UBE2V2: variants seen among roughly 807,000 people sequenced by gnomAD.
UBE2V2 encodes the protein ubiquitin conjugating enzyme E2 V2.
Under a neutral mutation model 17.2 loss-of-function variants are expected in UBE2V2, and 9 were observed. That is an observed-to-expected ratio of 0.52 (90% CI 0.32 to 0.91). The LOEUF is 0.91. Ranked by LOEUF, UBE2V2 falls within the 40% of genes least tolerant of loss-of-function variation. The pLI, the probability that UBE2V2 is intolerant of heterozygous loss-of-function variation, is 0.04. For synonymous variants in UBE2V2, 61 were observed against 57.5 expected (o/e 1.06, Z -0.28); for missense variants, 133 against 182.6 (o/e 0.73, Z 1.56).
rs771072960 is a variant in UBE2V2, at chr8:48,008,438, T to A, written c.-17T>A. The A allele has an allele frequency of 4.5e-6, 7 of 1,565,020 alleles. No individual in the cohort carries two copies. The highest frequency in any genetic ancestry group is 1.4e-5 in the African/African-American group (1 of 70,538). ...TCGTGCGTGCGTGCGGGCGGCTGCGTCGGGCTGCAGGAGAAGATGGCGGTC... is the reference window on the plus strand; with the variant it reads ...TCGTGCGTGCGTGCGGGCGGCTGCGACGGGCTGCAGGAGAAGATGGCGGTC... On this transcript the variant is annotated 5_prime_UTR_variant, in exon 1 of 4. Transcript: ENST00000523111.
chr8:48,004,463 G>C (rs542982086), upstream of UBE2V2, among the ~76,000 whole-genome samples: 2 of 151,516 alleles, frequency 1.3e-5, no homozygotes, highest in Non-Finnish European at 2.9e-5. Flanking sequence ...ACAGTGGCTT[G>C]AGAGTAGATA....
rs1277365907 is a variant in UBE2V2, at chr8:48,049,891, A to T, written c.204A>T (p.Glu68Asp). The change falls in exon 3 of 4, where the codon GAA becomes GAT. Residue 68 changes from glutamate (E) to aspartate (D), a missense_variant. By Grantham distance (45) the Glu-to-Asp change is conservative (BLOSUM62 2). This residue lies in a region of UBE2V2 where 92 missense variants were observed against 124.3 expected (regional missense o/e 0.74). Coordinates refer to ENST00000523111, the MANE Select transcript of UBE2V2 (RefSeq NM_003350.3). ...ACAGAATATATAGCCTGAAAGTAGA[A>T]TGTGGACCTAAATACCCAGAAGCTC... Reference protein sequence around the residue: ...YENRIYSLKVECGPKYPEAPP... With the variant: ...YENRIYSLKVDCGPKYPEAPP... The T allele has an allele frequency of 6.3e-7, 1 of 1,593,418 alleles. No homozygotes were observed. The highest frequency in any genetic ancestry group is 8.5e-7 in the Non-Finnish European group (1 of 1,173,824).
chr8:48,044,979 G>A (rs1177775898), intron 2 of UBE2V2, among the ~76,000 whole-genome samples: 2 of 152,068 alleles, frequency 1.3e-5, no homozygotes, highest in East Asian at 1.9e-4. Flanking sequence ...TCTTTCACCC[G>A]GTTGGGGTCC....
At chr8:48,023,023 A>G (rs763557614) in intron 1 of UBE2V2, among the ~76,000 whole-genome samples, 1 of 151,868 alleles carries the variant, frequency 6.6e-6, no homozygotes, top group Non-Finnish European at 1.5e-5. Flanking sequence ...GAAGTCTCTT[A>G]TATGTTATTT....
intron 1 of UBE2V2, among the ~76,000 whole-genome samples, chr8:48,032,586 C>T (rs1209277539): frequency 1.3e-5 from 2 of 152,060 alleles, no homozygotes; most frequent in East Asian, 3.9e-4. Context: ...GACCTTGTCT[C>T]TACTAAAAAT....
intron 1 of UBE2V2, among the ~76,000 whole-genome samples, chr8:48,034,542 A>G (rs2091407599): frequency 1.3e-5 from 2 of 151,974 alleles, no homozygotes; most frequent in African/African-American, 4.8e-5. Context: ...TGATCAAAAT[A>G]TATGTGCTGC....
intron 1 of UBE2V2, among the ~76,000 whole-genome samples, chr8:48,012,642 C>T (rs559202391): frequency 1.3e-5 from 2 of 151,418 alleles, no homozygotes; most frequent in Admixed American, 6.6e-5. Flanking sequence ...CTCTTGAACC[C>T]GGGAGGCAGA....
chr8:48,047,081 A>G (rs1476473999), intron 2 of UBE2V2, among the ~76,000 whole-genome samples: 2 of 151,656 alleles, frequency 1.3e-5, no homozygotes, highest in Non-Finnish European at 2.9e-5. Context: ...AGCTGGGATT[A>G]CAGGCATGCG....
chr8:48,035,252 A>G (rs960629209), intron 1 of UBE2V2, among the ~76,000 whole-genome samples: 1 of 150,568 alleles, frequency 6.6e-6, no homozygotes, highest in African/African-American at 2.4e-5. Flanking sequence ...AGTAGCTGGG[A>G]CTACAGGTGT....
At chr8:48,037,146 TC>T (rs2091430330) in intron 1 of UBE2V2, among the ~76,000 whole-genome samples, 2 of 152,256 alleles carry the variant, frequency 1.3e-5, no homozygotes, top group South Asian at 4.1e-4. Flanking sequence ...GCCATTGCAC[TC>T]TGTCCTGGGC....
chr8:48,047,720 G>A (rs920174158), intron 2 of UBE2V2, among the ~76,000 whole-genome samples: 12 of 151,954 alleles, frequency 7.9e-5, no homozygotes, highest in Non-Finnish European at 1.8e-4. Flanking sequence ...ACCAATTTTT[G>A]TATTTTTAAT....
intron 1 of UBE2V2, among the ~76,000 whole-genome samples, chr8:48,038,056 T>C (rs2091436385): frequency 6.6e-6 from 1 of 152,206 alleles, no homozygotes; most frequent in Admixed American, 6.6e-5. Flanking sequence ...CTCTCTCTTT[T>C]GTAATGTCCT....
At position 48,061,902 on chromosome 8, in the gene UBE2V2, T is replaced by C. The variant is rs1234587312; in HGVS notation, c.*1074T>C. The stretch of plus-strand genomic sequence containing the variant: ...CCATTTTTTAAAGCATAATATCTTT[T>C]TTAGTTGTTTTTCTGTGAAGCTTTT... On this transcript the variant is annotated 3_prime_UTR_variant, in exon 4 of 4. Transcript: ENST00000523111. 1 of 152,208 alleles carries C rather than the reference T, an allele frequency of 6.6e-6. No individual in the cohort carries two copies. Among genetic ancestry groups the C allele is most frequent in the Non-Finnish European group, 1.5e-5 (1 of 68,026 alleles). The allele number at this position is 152,208 out of a possible 1,614,324, so 9.4% of individuals were successfully genotyped here. A position where few individuals can be genotyped will look rare whatever the true frequency, so the allele number is the denominator to read the frequency against.
At chr8:48,008,553 C>T in intron 1 of UBE2V2, 83 bp downstream of exon 1, 2 of 1,493,288 alleles carry the variant, frequency 1.3e-6, no homozygotes, top group Admixed American at 2.4e-5. Flanking sequence ...CGAGCGCTGA[C>T]CGTGCGGGAG....
Position 48,008,434 on chromosome 8 carries a change from T to A in UBE2V2, c.-21T>A. 6.4e-7 allele frequency: 1 copy of A among 1,563,910 alleles called. No individual in the cohort carries two copies. Among genetic ancestry groups the A allele is most frequent in the Non-Finnish European group, 8.6e-7 (1 of 1,157,594 alleles). Reference sequence around the variant, plus strand: ...CGGTTCGTGCGTGCGTGCGGGCGGCTGCGTCGGGCTGCAGGAGAAGATGGC... The same window carrying A: ...CGGTTCGTGCGTGCGTGCGGGCGGCAGCGTCGGGCTGCAGGAGAAGATGGC... On this transcript the variant is annotated 5_prime_UTR_variant, in exon 1 of 4. Coordinates refer to ENST00000523111, the MANE Select transcript of UBE2V2 (RefSeq NM_003350.3).
chr8:48,005,641 T>G (rs1486306661), upstream of UBE2V2, among the ~76,000 whole-genome samples: 1 of 152,232 alleles, frequency 6.6e-6, no homozygotes, highest in Non-Finnish European at 1.5e-5. Context: ...ACCAACAGTG[T>G]AAAAGCATTC....
chr8:48,007,135 G>T (rs966504904), upstream of UBE2V2, among the ~76,000 whole-genome samples: 1 of 151,604 alleles, frequency 6.6e-6, no homozygotes, highest in South Asian at 2.1e-4. Context: ...TGATCCGCCC[G>T]CCTCCGCCTC....
At chr8:48,018,319 T>C (rs1446002453) in intron 1 of UBE2V2, among the ~76,000 whole-genome samples, 1 of 152,264 alleles carries the variant, frequency 6.6e-6, no homozygotes, top group African/African-American at 2.4e-5. Context: ...AAAACTGCTT[T>C]TGCTGTATTC....
Position 48,013,368 on chromosome 8 carries a change from C to G in UBE2V2, c.16+4898C>G, listed in dbSNP as rs558808450. ...TGTGGCCCAGGCTGGAGTGCAGTGG[C>G]GTGATCTTGGCTCACTGCAAGCACT... On this transcript the variant is annotated intron_variant, in intron 1 of 3. Coordinates refer to ENST00000523111, the MANE Select transcript of UBE2V2 (RefSeq NM_003350.3). Among the ~76,000 whole-genome samples, 10 of 149,936 alleles carry G rather than the reference C, an allele frequency of 6.7e-5. 1 individual carries two copies. In the South Asian group the frequency reaches 2.1e-3, roughly 32 times the overall value.
Sources: gnomAD v4.1 joint callset for allele counts (sites outside exome capture counted in the v4.1 genomes callset) on GRCh38, gnomAD v4.1.1 for gene constraint, gnomAD v4.1.1 regional missense constraint, MANE v1.5 for transcripts, NCBI Gene and HGNC (gene_info 2026-07-23, HGNC 2026-07-21) for gene names.